The following STXBP6 variants were observed in gnomAD, a reference collection of about 807,000 sequenced individuals.
STXBP6 encodes the protein syntaxin binding protein 6, also known as syntaxin-binding protein 6.
In STXBP6, 21 loss-of-function variants were observed where a neutral mutation model predicts 26.9. That is an observed-to-expected ratio of 0.78 (90% CI 0.55 to 1.12). STXBP6 has a LOEUF of 1.12. Among genes scored for constraint, STXBP6 ranks in the 50% most tolerant of loss-of-function variants. STXBP6 has a pLI of 0.00. For synonymous variants in STXBP6, 97 were observed against 92.6 expected, an observed-to-expected ratio of 1.05 and a Z score of -0.27; for missense variants, 232 against 257.9, an observed-to-expected ratio of 0.90 and a Z score of 0.69.
chr14:24,993,217 CAAACTGAGTAGGTCCA>C (rs1299385715), intron 1 of STXBP6, among the ~76,000 whole-genome samples: 2 of 152,196 alleles, frequency 1.3e-5, no homozygotes, highest in African/African-American at 2.4e-5. Context: ...ACAGGCACAT[CAAACTGAGTAGGTCCA>C]AAACTGAATG....
At chr14:24,851,017 AT>A (rs1210729892) in intron 4 of STXBP6, among the ~76,000 whole-genome samples, 1 of 152,118 alleles carries the variant, frequency 6.6e-6, no homozygotes, top group Non-Finnish European at 1.5e-5. Flanking sequence ...ATCACCAAAG[AT>A]TTCTACAGTT....
chr14:24,833,430 C>A (rs1443963118), intron 4 of STXBP6, among the ~76,000 whole-genome samples: 1 of 152,200 alleles, frequency 6.6e-6, no homozygotes, highest in Non-Finnish European at 1.5e-5. Context: ...AAACTAGGAG[C>A]TTCTTGATTA....
intron 2 of STXBP6, among the ~76,000 whole-genome samples, chr14:24,870,089 T>C (rs1595004818): frequency 6.6e-6 from 1 of 152,160 alleles, no homozygotes; most frequent in Admixed American, 6.6e-5. Context: ...TTATTGAAGG[T>C]TCATGCATAC....
At chr14:24,906,877 T>C (rs940060450) in intron 2 of STXBP6, among the ~76,000 whole-genome samples, 2 of 152,004 alleles carry the variant, frequency 1.3e-5, no homozygotes, top group African/African-American at 4.8e-5. Context: ...CAATGAACAA[T>C]AAAGATACAG....
chr14:24,854,350 AC>A (rs1325394499), intron 4 of STXBP6, among the ~76,000 whole-genome samples: 1 of 152,092 alleles, frequency 6.6e-6, no homozygotes, highest in African/African-American at 2.4e-5. Flanking sequence ...GTTTCTGGCC[AC>A]ACTGCCCAGG....
intron 1 of STXBP6, among the ~76,000 whole-genome samples, chr14:25,025,767 C>T (rs2075338477): frequency 6.6e-6 from 1 of 152,196 alleles, no homozygotes; most frequent in Non-Finnish European, 1.5e-5. Flanking sequence ...TCTCAGAATA[C>T]AGCAGTGACC....
At chr14:24,897,441 A>AG (rs2071038301) in intron 2 of STXBP6, among the ~76,000 whole-genome samples, 1 of 151,272 alleles carries the variant, frequency 6.6e-6, no homozygotes, top group South Asian at 2.1e-4. Context: ...AAAAAAAAAA[A>AG]AGAAAAAGTT....
intron 2 of STXBP6, among the ~76,000 whole-genome samples, chr14:24,917,060 T>C (rs2071793954): frequency 6.6e-6 from 1 of 151,982 alleles, no homozygotes; most frequent in Non-Finnish European, 1.5e-5. Context: ...CTGTCTCTCC[T>C]AAGGAAGCAT....
intron 1 of STXBP6, among the ~76,000 whole-genome samples, chr14:25,046,039 T>C (rs568002379): frequency 6.6e-6 from 1 of 152,298 alleles, no homozygotes; most frequent in Admixed American, 6.5e-5. Flanking sequence ...TAGAGAATAA[T>C]GCTCTAGGAA....
intron 2 of STXBP6, among the ~76,000 whole-genome samples, chr14:24,863,741 G>A (rs1027053001): frequency 6.6e-6 from 1 of 151,798 alleles, no homozygotes; most frequent in Non-Finnish European, 1.5e-5. Flanking sequence ...CAACCCAAAA[G>A]GTTTCCCAAT....
chr14:24,821,810 G>T (rs2068143356), intron 4 of STXBP6, among the ~76,000 whole-genome samples: 1 of 152,118 alleles, frequency 6.6e-6, no homozygotes, highest in South Asian at 2.1e-4. Flanking sequence ...TTCCCAGCTG[G>T]ATTACAAATT....
intron 1 of STXBP6, among the ~76,000 whole-genome samples, chr14:25,000,782 G>A (rs1169489871): frequency 6.6e-6 from 1 of 151,024 alleles, no homozygotes; most frequent in Non-Finnish European, 1.5e-5. Flanking sequence ...AGGAAGGAAT[G>A]CATGATCAGA....
At chr14:24,973,523 G>C (rs1360680248) in intron 2 of STXBP6, among the ~76,000 whole-genome samples, 1 of 151,432 alleles carries the variant, frequency 6.6e-6, no homozygotes, top group Non-Finnish European at 1.5e-5. Flanking sequence ...GTAGCTGGGA[G>C]TACAGGTGAG....
intron 2 of STXBP6, among the ~76,000 whole-genome samples, chr14:24,880,435 T>C (rs534005158): frequency 2.4e-4 from 36 of 152,256 alleles, no homozygotes; most frequent in African/African-American, 7.7e-4. Context: ...AACAGAGGCT[T>C]GTCTCATCAG....
intron 2 of STXBP6, among the ~76,000 whole-genome samples, chr14:24,909,263 C>A (rs2071486058): frequency 6.6e-6 from 1 of 152,238 alleles, no homozygotes; most frequent in South Asian, 2.1e-4. Context: ...GAACCCCTTT[C>A]ACAGGGGCAC....
At chr14:24,991,019 AAG>A (rs965401190) in intron 1 of STXBP6, among the ~76,000 whole-genome samples, 2 of 149,212 alleles carry the variant, frequency 1.3e-5, no homozygotes, top group African/African-American at 2.6e-5. Flanking sequence ...AGGAGAGAGA[AAG>A]AGAAGAGAGA....
At chr14:24,978,637 T>C (rs181512565) in intron 1 of STXBP6, among the ~76,000 whole-genome samples, 3 of 152,318 alleles carry the variant, frequency 2.0e-5, no homozygotes, top group African/African-American at 7.2e-5. Context: ...AATTTTTCCA[T>C]CCAAGAAACC....
intron 2 of STXBP6, among the ~76,000 whole-genome samples, chr14:24,938,707 G>T (rs2072691612): frequency 6.6e-6 from 1 of 152,108 alleles, no homozygotes; most frequent in Non-Finnish European, 1.5e-5. Flanking sequence ...TTTTAATGGA[G>T]GCAAGTTGGC....
chr14:24,843,990 T>C (rs1594947371), intron 4 of STXBP6, among the ~76,000 whole-genome samples: 1 of 151,554 alleles, frequency 6.6e-6, no homozygotes, highest in South Asian at 2.1e-4. Context: ...GATTAGAGGG[T>C]TTTAACTTTC....
Sources: allele counts gnomAD v4.1 joint callset (sites outside exome capture counted in the v4.1 genomes callset), GRCh38; gene constraint gnomAD v4.1.1; transcripts MANE v1.5; gene names NCBI Gene and HGNC (gene_info 2026-07-23, HGNC 2026-07-21).